DNAJC2: variants seen among roughly 807,000 people sequenced by gnomAD.
DNAJC2 encodes dnaJ homolog subfamily C member 2.
DNAJC2 carries 32 observed loss-of-function variants against 94.0 expected under a neutral mutation model. The observed-to-expected ratio is 0.34, with a 90% confidence interval of 0.26 to 0.46. DNAJC2 has a LOEUF of 0.46. Ranked by LOEUF, DNAJC2 falls within the 20% of genes least tolerant of loss-of-function variation. The pLI is 1.00. For missense variants in DNAJC2, 550 were observed against 719.5 expected, an observed-to-expected ratio of 0.76 and a Z score of 2.69; for synonymous variants, 210 against 229.7, an observed-to-expected ratio of 0.91 and a Z score of 0.77.
At chr7:103,315,963 A>T in intron 14 of DNAJC2, 25 bp downstream of exon 14, 1 of 1,569,040 alleles carries the variant, frequency 6.4e-7, no homozygotes, top group Non-Finnish European at 8.7e-7. Flanking sequence ...TGTTTAAAGT[A>T]ACAAATGGAC....
rs777067544 is a variant in DNAJC2, at chr7:103,326,572, C to G, written c.543G>C (p.Val181=). The G allele has an allele frequency of 2.5e-6, 4 of 1,613,894 alleles. No homozygotes were observed. The highest frequency in any genetic ancestry group is 1.7e-5 in the Admixed American group (1 of 59,978). ...KSEAKDNFFE[V]FTPVFERNSR... Reference sequence around the variant, plus strand: ...AATTCCTTTCAAACACTGGGGTAAACACTTCGAAGAAATTATCCTTTGCTT... The same window carrying G: ...AATTCCTTTCAAACACTGGGGTAAAGACTTCGAAGAAATTATCCTTTGCTT... Residue 181 remains valine, a synonymous_variant, in exon 5 of 17, where the codon GTG becomes GTC. Coordinates refer to ENST00000379263, the MANE Select transcript of DNAJC2 (RefSeq NM_014377.3).
intron 3 of DNAJC2, 74 bp downstream of exon 3, chr7:103,337,662 A>C (rs953885801): frequency 8.4e-7 from 1 of 1,193,378 alleles, no homozygotes; most frequent in East Asian, 2.3e-5. Flanking sequence ...ATGATACTGT[A>C]TATCTTTTAA....
intron 2 of DNAJC2, among the ~76,000 whole-genome samples, chr7:103,339,399 C>T (rs1819295832): frequency 6.6e-6 from 1 of 152,206 alleles, no homozygotes; most frequent in Admixed American, 6.5e-5. Context: ...CCAGTTCTGT[C>T]TTTTCCCGAC....
chr7:103,329,445 C>T (rs533218498), intron 3 of DNAJC2: 63 of 152,366 alleles, frequency 4.1e-4, no homozygotes, highest in African/African-American at 1.5e-3. Context: ...AATTTTTCCC[C>T]GTTTTGTTAA....
In DNAJC2 at chr7:103,316,706, T is replaced by C. The variant is rs1818077927; in HGVS notation, c.1427+124A>G. 4.9e-6 allele frequency: 4 copies of C among 812,178 alleles called. No homozygotes were observed. In the African/African-American group the frequency reaches 5.2e-5, roughly 11 times the overall value. 50.3% of individuals were successfully genotyped at this position (812,178 alleles called of 1,614,324 possible). On this transcript the variant is annotated intron_variant, in intron 13 of 16. Transcript: ENST00000379263. ...AAATGCACCTCACTTTTCACACTTT[T>C]CTGCTGTGGCACAGAATTTATCTCT...
At chr7:103,319,711 T>C in intron 11 of DNAJC2, 33 bp from the exon 12 acceptor site, 1 of 1,613,952 alleles carries the variant, frequency 6.2e-7, no homozygotes. Flanking sequence ...TGAAACTTTA[T>C]CCTAAGCTCA....
chr7:103,315,695 A>T, intron 15 of DNAJC2, 69 bp downstream of exon 15: 1 of 1,024,074 alleles, frequency 9.8e-7, no homozygotes, highest in Non-Finnish European at 1.5e-6. Context: ...CATAGACCCT[A>T]AGTCTTGTAC....
intron 9 of DNAJC2, among the ~76,000 whole-genome samples, 181 bp downstream of exon 9, chr7:103,322,330 A>G (rs1818466064): frequency 6.6e-6 from 1 of 152,206 alleles, no homozygotes; most frequent in Admixed American, 6.5e-5. Flanking sequence ...TTTTTGCTCA[A>G]TAAAAACGTG....
chr7:103,334,670 A>G (rs574754263), intron 3 of DNAJC2, among the ~76,000 whole-genome samples: 98 of 151,464 alleles, frequency 6.5e-4, no homozygotes, highest in Non-Finnish European at 1.1e-3. Flanking sequence ...TTGGTCTTGA[A>G]CTCCTGAGCT....
intron 13 of DNAJC2, 72 bp downstream of exon 13, chr7:103,316,758 C>T: frequency 8.0e-7 from 1 of 1,242,638 alleles, no homozygotes; most frequent in Non-Finnish European, 1.1e-6. Flanking sequence ...ACAAGTGCTG[C>T]TATTTGGAGT....
intron 2 of DNAJC2, among the ~76,000 whole-genome samples, chr7:103,338,832 C>T (rs1005729314): frequency 2.6e-5 from 4 of 151,990 alleles, no homozygotes; most frequent in Non-Finnish European, 5.9e-5. Flanking sequence ...ATTGCTTGAA[C>T]CTGGGAGGCG....
chr7:103,319,743 TC>T lies in DNAJC2; in HGVS notation c.1172+12del. 1 of 1,614,184 alleles carries T rather than the reference TC, an allele frequency of 6.2e-7. No homozygotes were observed. Among genetic ancestry groups the T allele is most frequent in the Non-Finnish European group, 8.5e-7 (1 of 1,180,026 alleles). ...CTCAAGTGAAGACTTCAATAGCAGTTCCATAGGTATACCTTGCCAGTTCAAG... is the reference window on the plus strand; with the variant it reads ...CTCAAGTGAAGACTTCAATAGCAGTTCATAGGTATACCTTGCCAGTTCAAG... On this transcript the variant is annotated intron_variant, in intron 11 of 16. Transcript: ENST00000379263.
In DNAJC2 at chr7:103,312,972, T is replaced by C. The variant is rs1034884361; in HGVS notation, c.1766A>G (p.Lys589Arg). 9.3e-6 allele frequency: 15 copies of C among 1,613,810 alleles called. No homozygotes were observed. The highest frequency in any genetic ancestry group is 1.3e-5 in the Non-Finnish European group (15 of 1,179,920). Residue 589 changes from lysine (K) to arginine (R), a missense_variant, in exon 16 of 17, where the codon AAG becomes AGG. Around this residue, in one of 2 missense-constraint regions of DNAJC2, gnomAD observed 271 missense variants for 302.6 expected, o/e 0.90. Transcript: ENST00000379263. ...KIAEAVPGRT[K>R]KDCMKRYKEL... ...CTTGTATCGTTTCATGCAGTCCTTCTTTGTCCTGCCAGGCACCGCTTCTGC... is the reference window on the plus strand; with the variant it reads ...CTTGTATCGTTTCATGCAGTCCTTCCTTGTCCTGCCAGGCACCGCTTCTGC...
chr7:103,333,067 A>G (rs1819037647), intron 3 of DNAJC2, among the ~76,000 whole-genome samples: 1 of 151,086 alleles, frequency 6.6e-6, no homozygotes, highest in Non-Finnish European at 1.5e-5. Flanking sequence ...TGAAAAGCCA[A>G]AATCCTCCAG....
chr7:103,343,166 C>CT (rs1470344400), intron 1 of DNAJC2, among the ~76,000 whole-genome samples: 1 of 151,758 alleles, frequency 6.6e-6, no homozygotes, highest in Non-Finnish European at 1.5e-5. Flanking sequence ...CGCCCAGCTA[C>CT]TTTTTTGTAT....
In DNAJC2 at chr7:103,319,853, A is replaced by G. The variant is rs370268421; in HGVS notation, c.1084-9T>C. The G allele has an allele frequency of 2.5e-5, 40 of 1,613,726 alleles. No homozygotes were observed. The highest frequency in any genetic ancestry group is 3.3e-5 in the Non-Finnish European group (39 of 1,179,860). On this transcript the variant is annotated splice_polypyrimidine_tract_variant and intron_variant, in intron 10 of 16. Coordinates refer to ENST00000379263, the MANE Select transcript of DNAJC2 (RefSeq NM_014377.3). ...GAAAAATGATTCCAGGTCTAAAAGC[A>G]CAAACACAAAAATAGTATCTACACT... is the stretch of plus-strand genomic sequence containing the variant.
intron 7 of DNAJC2, 81 bp from the exon 8 acceptor site, chr7:103,322,875 A>T: frequency 1.9e-6 from 2 of 1,070,616 alleles, no homozygotes; most frequent in Non-Finnish European, 2.7e-6. Flanking sequence ...TAAAATATTT[A>T]TATGTACATA....
At chr7:103,313,557 T>G (rs1387906804) in intron 15 of DNAJC2, 1 of 982,016 alleles carries the variant, frequency 1.0e-6, no homozygotes, top group Non-Finnish European at 1.2e-6. Flanking sequence ...ATCATTCTTG[T>G]TTTACACTGA....
chr7:103,319,602 C>T lies in DNAJC2; in HGVS notation c.1242+7G>A. 6.2e-7 allele frequency: 1 copy of T among 1,613,816 alleles called. No homozygotes were observed. The highest frequency in any genetic ancestry group is 8.5e-7 in the Non-Finnish European group (1 of 1,179,780). Reference sequence around the variant, plus strand: ...ATATAGGTAGGAGTGATGTGTTCCTCTATTACCTGTTTTTCCAAAGCAGCC... The same window carrying T: ...ATATAGGTAGGAGTGATGTGTTCCTTTATTACCTGTTTTTCCAAAGCAGCC... On this transcript the variant is annotated splice_region_variant and intron_variant, in intron 12 of 16. Transcript: ENST00000379263.
Sources: gnomAD v4.1 joint callset for allele counts (sites outside exome capture counted in the v4.1 genomes callset) on GRCh38, gnomAD v4.1.1 for gene constraint, gnomAD v4.1.1 regional missense constraint, MANE v1.5 for transcripts, NCBI Gene and HGNC (gene_info 2026-07-23, HGNC 2026-07-21) for gene names.